LHFPL3: variants seen among roughly 807,000 people sequenced by gnomAD.
LHFPL3 encodes the protein LHFPL tetraspan subfamily member 3.
A neutral mutation model predicts 19.3 loss-of-function variants in LHFPL3; 5 were observed. The ratio of observed to expected loss-of-function variants is 0.26; its 90% CI spans 0.14 to 0.54. The LOEUF (loss-of-function observed/expected upper bound fraction) is 0.54, where lower values mean the gene tolerates loss of function less well. LHFPL3 is among the 20% of genes least tolerant of loss of function. LHFPL3 has a pLI of 0.94. For missense variants in LHFPL3, 249 were observed against 307.4 expected (o/e 0.81, Z 1.42); for synonymous variants, 133 against 126.2 (o/e 1.05, Z -0.36).
At chr7:104,740,319 GAAC>G (rs1793910030) in intron 2 of LHFPL3, among the ~76,000 whole-genome samples, 1 of 152,242 alleles carries the variant, frequency 6.6e-6, no homozygotes, top group African/African-American at 2.4e-5. Flanking sequence ...ATCCCATAAT[GAAC>G]AACAAGAGCA....
intron 2 of LHFPL3, among the ~76,000 whole-genome samples, chr7:104,849,361 T>C (rs1791371867): frequency 6.6e-6 from 1 of 152,116 alleles, no homozygotes. Context: ...CCCGAGAGTC[T>C]GAAGAACCAG....
At chr7:104,701,408 A>T (rs1793097649) in intron 1 of LHFPL3, among the ~76,000 whole-genome samples, 1 of 152,228 alleles carries the variant, frequency 6.6e-6, no homozygotes, top group Admixed American at 6.5e-5. Flanking sequence ...GCCTTAACAC[A>T]TATTTTGTAT....
intron 1 of LHFPL3, among the ~76,000 whole-genome samples, chr7:104,482,525 C>A (rs763269072): frequency 5.3e-5 from 8 of 152,184 alleles, no homozygotes; most frequent in African/African-American, 9.7e-5. Flanking sequence ...TGAATCTGTC[C>A]TTTTAGACTC....
intron 1 of LHFPL3, among the ~76,000 whole-genome samples, chr7:104,502,404 C>T (rs955863906): frequency 6.6e-6 from 1 of 151,246 alleles, no homozygotes; most frequent in Non-Finnish European, 1.5e-5. Context: ...ATTATGCTTA[C>T]TACCAAATTA....
chr7:104,671,802 T>A (rs1048310082), intron 1 of LHFPL3, among the ~76,000 whole-genome samples: 2 of 152,158 alleles, frequency 1.3e-5, no homozygotes, highest in Admixed American at 1.3e-4. Flanking sequence ...TTCCATTCAT[T>A]ATTTGATATA....
chr7:104,584,474 T>C (rs1056009618), intron 1 of LHFPL3, among the ~76,000 whole-genome samples: 1 of 151,528 alleles, frequency 6.6e-6, no homozygotes, highest in African/African-American at 2.4e-5. Context: ...TAAAATTTTT[T>C]AAAAAAAGAA....
intron 1 of LHFPL3, among the ~76,000 whole-genome samples, chr7:104,525,253 C>G (rs892557611): frequency 1.4e-4 from 21 of 152,208 alleles, no homozygotes; most frequent in African/African-American, 5.1e-4. Context: ...GTCACTGTGT[C>G]TACATGTACT....
intron 1 of LHFPL3, among the ~76,000 whole-genome samples, chr7:104,551,053 C>G (rs887886285): frequency 1.3e-5 from 2 of 151,790 alleles, no homozygotes; most frequent in Non-Finnish European, 2.9e-5. Flanking sequence ...AGACACAATG[C>G]GCTAATCAGA....
intron 1 of LHFPL3, among the ~76,000 whole-genome samples, chr7:104,680,298 A>C (rs1792671465): frequency 6.6e-6 from 1 of 152,194 alleles, no homozygotes; most frequent in Non-Finnish European, 1.5e-5. Flanking sequence ...CTCCTTTGGC[A>C]GCAAGAGTAA....
At chr7:104,458,018 CT>C (rs1792581351) in intron 1 of LHFPL3, among the ~76,000 whole-genome samples, 4 of 149,834 alleles carry the variant, frequency 2.7e-5, no homozygotes, top group Non-Finnish European at 5.9e-5. Context: ...GATATTAGCC[CT>C]TTGTCAGATG....
chr7:104,538,092 G>A (rs1218237646), intron 1 of LHFPL3, among the ~76,000 whole-genome samples: 1 of 152,194 alleles, frequency 6.6e-6, no homozygotes, highest in Non-Finnish European at 1.5e-5. Context: ...CTGCCACAAA[G>A]ACCTTACTTA....
chr7:104,562,212 G>A (rs941405392), intron 1 of LHFPL3, among the ~76,000 whole-genome samples: 34 of 151,876 alleles, frequency 2.2e-4, no homozygotes, highest in African/African-American at 7.3e-4. Context: ...TGTATTTCCT[G>A]AATCTGAACG....
At chr7:104,783,136 A>G (rs1486489073) in intron 2 of LHFPL3, among the ~76,000 whole-genome samples, 1 of 152,258 alleles carries the variant, frequency 6.6e-6, no homozygotes, top group African/African-American at 2.4e-5. Flanking sequence ...AGATGTGGGA[A>G]CCAGAAATCA....
At chr7:104,701,648 T>C (rs1040309642) in intron 1 of LHFPL3, among the ~76,000 whole-genome samples, 11 of 152,152 alleles carry the variant, frequency 7.2e-5, no homozygotes, top group Admixed American at 2.0e-4. Flanking sequence ...AGAAAGTTCA[T>C]GTATAAGCGG....
At chr7:104,700,161 A>T (rs1370873302) in intron 1 of LHFPL3, among the ~76,000 whole-genome samples, 1 of 152,208 alleles carries the variant, frequency 6.6e-6, no homozygotes, top group Non-Finnish European at 1.5e-5. Context: ...GCTGTATGGA[A>T]ACAAGAGGAG....
intron 1 of LHFPL3, among the ~76,000 whole-genome samples, chr7:104,383,506 T>C (rs1790872373): frequency 6.6e-6 from 1 of 152,210 alleles, no homozygotes; most frequent in South Asian, 2.1e-4. Flanking sequence ...TGCCCTGAGA[T>C]ATTAGCATTT....
chr7:104,655,328 A>C (rs1365948620), intron 1 of LHFPL3, among the ~76,000 whole-genome samples: 2 of 151,886 alleles, frequency 1.3e-5, no homozygotes, highest in Admixed American at 1.3e-4. Flanking sequence ...GTAATTAAAC[A>C]GGGAGAAAGA....
chr7:104,391,402 T>G (rs2116472719), intron 1 of LHFPL3, among the ~76,000 whole-genome samples: 1 of 152,350 alleles, frequency 6.6e-6, no homozygotes, highest in Admixed American at 6.5e-5. Context: ...TTTCTACATA[T>G]GGCTAGCCGG....
intron 2 of LHFPL3, among the ~76,000 whole-genome samples, chr7:104,904,729 T>A (rs1304244927): frequency 6.6e-6 from 1 of 152,166 alleles, no homozygotes; most frequent in Non-Finnish European, 1.5e-5. Context: ...TGTTTCCTTT[T>A]GGCCCAAATA....
Sources: allele counts gnomAD v4.1 joint callset (sites outside exome capture counted in the v4.1 genomes callset), GRCh38; gene constraint gnomAD v4.1.1; transcripts MANE v1.5; gene names NCBI Gene and HGNC (gene_info 2026-07-23, HGNC 2026-07-21).